ZNF212: variants seen among roughly 807,000 people sequenced by gnomAD.
ZNF212 encodes the protein zinc finger protein 212.
ZNF212 carries 32 observed loss-of-function variants against 47.3 expected under a neutral mutation model. That is an observed-to-expected ratio of 0.68 (90% CI 0.51 to 0.91). The LOEUF (loss-of-function observed/expected upper bound fraction) is 0.91, where lower values mean the gene tolerates loss of function less well. Among genes scored for constraint, ZNF212 ranks in the 40% least tolerant of loss-of-function variants. The pLI is 0.00. For synonymous variants in ZNF212, 242 were observed against 253.8 expected (o/e 0.95, Z 0.44); for missense variants, 555 against 622.8 (o/e 0.89, Z 1.16).
chr7:149,246,193 T>A (rs1342696893), intron 1 of ZNF212, among the ~76,000 whole-genome samples: 1 of 152,234 alleles, frequency 6.6e-6, no homozygotes, highest in Admixed American at 6.5e-5. Flanking sequence ...TGTTATCTTT[T>A]ATTACAGCTA....
At position 149,254,453 on chromosome 7, in the gene ZNF212, G is replaced by T. The variant is rs945694705; in HGVS notation, c.*38G>T. On this transcript the variant is annotated 3_prime_UTR_variant, in exon 5 of 5. Coordinates refer to ENST00000335870, the MANE Select transcript of ZNF212 (RefSeq NM_012256.4). This position sits in a 1 kb window ranked among gnomAD's most constrained non-coding sequence, Gnocchi z 4.5. ...TCGCCCGTCTGGGGGATGGAGGGGGGTGGCATTGGTTCCCCCGAAGAGACA... is the reference window on the plus strand; with the variant it reads ...TCGCCCGTCTGGGGGATGGAGGGGGTTGGCATTGGTTCCCCCGAAGAGACA... 2 of 1,548,332 alleles carry T rather than the reference G, an allele frequency of 1.3e-6. No homozygotes were observed. The highest frequency in any genetic ancestry group is 1.7e-6 in the Non-Finnish European group (2 of 1,157,308).
intron 1 of ZNF212, among the ~76,000 whole-genome samples, chr7:149,249,557 T>C (rs1406146138): frequency 6.6e-6 from 1 of 152,072 alleles, no homozygotes; most frequent in Non-Finnish European, 1.5e-5. Flanking sequence ...TAATTTCACT[T>C]TTGTTGAAAA....
chr7:149,253,041 G>T (rs542259539), intron 4 of ZNF212, among the ~76,000 whole-genome samples: 1 of 152,104 alleles, frequency 6.6e-6, no homozygotes, highest in Non-Finnish European at 1.5e-5. Flanking sequence ...ATAGAGTACC[G>T]TACGAGGCGG....
rs577432979 is a variant in ZNF212 at position 149,243,775 on chromosome 7, G to A, written c.24+3973G>A. Among the ~76,000 whole-genome samples the A allele has an allele frequency of 1.7e-4, 26 of 152,268 alleles. 1 individual carries two copies. In the Middle Eastern group the frequency reaches 0.014, roughly 80 times the overall value. The stretch of plus-strand genomic sequence containing the variant: ...TACAACCTTAGTATTTTATCAAATA[G>A]AAAAGACTTATAAGGGTGTAGTGCA... On this transcript the variant is annotated intron_variant, in intron 1 of 4. Transcript: ENST00000335870.
At chr7:149,241,095 A>AT (rs1796581423) in intron 1 of ZNF212, among the ~76,000 whole-genome samples, 1 of 152,126 alleles carries the variant, frequency 6.6e-6, no homozygotes, top group Non-Finnish European at 1.5e-5. Context: ...TCACTCCACA[A>AT]TTACCTACAT....
chr7:149,248,404 G>A (rs945928431), intron 1 of ZNF212, among the ~76,000 whole-genome samples: 1 of 152,134 alleles, frequency 6.6e-6, no homozygotes, highest in Non-Finnish European at 1.5e-5. Flanking sequence ...GGGTTTTACT[G>A]TATTATTTTG....
At chr7:149,240,369 A>C (rs79124507) in intron 1 of ZNF212, among the ~76,000 whole-genome samples, 1 of 150,290 alleles carries the variant, frequency 6.7e-6, no homozygotes, top group Admixed American at 6.6e-5. Context: ...GAGCTGCCCA[A>C]ACTCTCTCCT....
rs371302632 is a variant in ZNF212 at position 149,253,790 on chromosome 7, C to G, written c.863C>G (p.Pro288Arg). 5 of 1,613,914 alleles carry G rather than the reference C, an allele frequency of 3.1e-6. No individual in the cohort carries two copies. In the South Asian group the frequency reaches 4.4e-5, roughly 14 times the overall value. ...VPSSSRTVGC[P>R]KQKSHRQVQL... ...AGCAGCAGCAGAACTGTGGGCTGCC[C>G]GAAGCAGAAATCTCATAGGCAGGTA... Residue 288 changes from proline (P) to arginine (R), a missense_variant, in exon 5 of 5, where the codon CCG becomes CGG. By Grantham distance (103) the Pro-to-Arg change is moderately radical. Coordinates refer to ENST00000335870, the MANE Select transcript of ZNF212 (RefSeq NM_012256.4).
At chr7:149,244,343 C>T (rs554513764) in intron 1 of ZNF212, among the ~76,000 whole-genome samples, 1 of 152,250 alleles carries the variant, frequency 6.6e-6, no homozygotes, top group East Asian at 1.9e-4. Flanking sequence ...GACAGAGTCT[C>T]TCTCTGTTGC....
chr7:149,250,544 C>T lies in ZNF212; in HGVS notation c.410C>T (p.Pro137Leu). The T allele has an allele frequency of 1.2e-6, 2 of 1,610,314 alleles. No homozygotes were observed. Among genetic ancestry groups the T allele is most frequent in the Non-Finnish European group, 1.7e-6 (2 of 1,178,106 alleles). ...CCCCCGGGCAGCAAGGGGGAGGCCC[C>T]CAAGGTAGTCTCATTGAGGATTAAA... ...RLPPGSKGEA[P>L]KVSRSLENDG... Residue 137 changes from proline (P) to leucine (L), a missense_variant, in exon 2 of 5, where the codon CCC becomes CTC. Physicochemically the swap from Pro to Leu is moderately conservative, Grantham distance 98. Transcript: ENST00000335870.
At position 149,240,678 on chromosome 7, in the gene ZNF212, A is replaced by C. The variant is rs148264973; in HGVS notation, c.24+876A>C. ...TCAAAGTAGTGGTTAATTTAACAAC[A>C]CCAGAGGGTTTGCAACGGAAGGGGC... On this transcript the variant is annotated intron_variant, in intron 1 of 4. Coordinates refer to ENST00000335870, the MANE Select transcript of ZNF212 (RefSeq NM_012256.4). 3.6e-3 allele frequency among the ~76,000 whole-genome samples: 545 copies of C among 152,308 alleles called. 3 individuals are homozygous for C. The highest frequency in any genetic ancestry group is 0.013 in the African/African-American group (523 of 41,576).
chr7:149,247,600 T>C (rs1213777874), intron 1 of ZNF212, among the ~76,000 whole-genome samples: 1 of 152,206 alleles, frequency 6.6e-6, no homozygotes, highest in Non-Finnish European at 1.5e-5. Context: ...TTATATAGTG[T>C]GTCTGTTTCC....
At position 149,253,647 on chromosome 7, in the gene ZNF212, G is replaced by C. The variant is rs1796791800; in HGVS notation, c.720G>C (p.Glu240Asp). ...GAGAGTTCTCATGCATTGCTGAAGA[G>C]CAGGCTTTCCTGAGCCCAGAGCAGA... ...LPGEFSCIAE[E>D]QAFLSPEQTE... The change falls in exon 5 of 5, where the codon GAG (glutamate) becomes GAC (aspartate). Residue 240 changes from glutamate to aspartate, a missense_variant. Physicochemically the swap from Glu to Asp is conservative, Grantham distance 45. Coordinates refer to ENST00000335870, the MANE Select transcript of ZNF212 (RefSeq NM_012256.4). 1 of 1,614,110 alleles carries C rather than the reference G, an allele frequency of 6.2e-7. No homozygotes were observed. The highest frequency in any genetic ancestry group is 8.5e-7 in the Non-Finnish European group (1 of 1,180,052).
At position 149,253,608 on chromosome 7, in the gene ZNF212, T is replaced by C. The variant is rs1796790856; in HGVS notation, c.681T>C (p.Pro227=). Residue 227 remains proline (P), a synonymous_variant, in exon 5 of 5, where the codon CCT becomes CCC. Transcript: ENST00000335870. ...AGCTACAGTATACACAGGAAGGCCC[T>C]GCGGATCTTCCTGGAGAGTTCTCAT... ...KQELQYTQEG[P]ADLPGEFSCI... is the part of the protein sequence containing the mutation. 6.2e-7 allele frequency: 1 copy of C among 1,613,916 alleles called. No homozygotes were observed. The highest frequency in any genetic ancestry group is 8.5e-7 in the Non-Finnish European group (1 of 1,179,902).
chr7:149,252,876 G>C (rs1369989361), intron 4 of ZNF212, 81 bp downstream of exon 4: 3 of 1,425,976 alleles, frequency 2.1e-6, no homozygotes, highest in African/African-American at 2.8e-5. Flanking sequence ...TGAAGTGCCA[G>C]GTGCTGACTT....
At chr7:149,244,382 G>C (rs922913158) in intron 1 of ZNF212, among the ~76,000 whole-genome samples, 1 of 151,846 alleles carries the variant, frequency 6.6e-6, no homozygotes, top group Non-Finnish European at 1.5e-5. Flanking sequence ...GTGCGATCTC[G>C]GCTCACTGCA....
chr7:149,250,980 G>A (rs1390446415), intron 3 of ZNF212, among the ~76,000 whole-genome samples, 173 bp downstream of exon 3: 1 of 151,750 alleles, frequency 6.6e-6, no homozygotes, highest in Non-Finnish European at 1.5e-5. Flanking sequence ...CTGCACGGGT[G>A]GAGAAATGCC....
At chr7:149,239,946 C>G in intron 1 of ZNF212, 144 bp downstream of exon 1, 1 of 950,912 alleles carries the variant, frequency 1.1e-6, no homozygotes, top group Non-Finnish European at 1.4e-6. Context: ...GGACCCTCCT[C>G]TTCGCGACCC....
intron 1 of ZNF212, among the ~76,000 whole-genome samples, chr7:149,243,820 A>C (rs984697351): frequency 2.6e-5 from 4 of 152,262 alleles, no homozygotes; most frequent in African/African-American, 9.6e-5. Context: ...ACTTCCCAAG[A>C]TGATAGAAAT....
Sources: allele counts gnomAD v4.1 joint callset (sites outside exome capture counted in the v4.1 genomes callset), GRCh38; gene constraint gnomAD v4.1.1; non-coding constraint Gnocchi (gnomAD v3.1); transcripts MANE v1.5; gene names NCBI Gene and HGNC (gene_info 2026-07-23, HGNC 2026-07-21).